PCDHGA6: variants seen among roughly 807,000 people sequenced by gnomAD.
PCDHGA6 encodes protocadherin gamma-A6.
In PCDHGA6, 41 loss-of-function variants were observed where a neutral mutation model predicts 60.6. That is an observed-to-expected ratio of 0.68 (90% CI 0.53 to 0.88). PCDHGA6 has a LOEUF of 0.88. Ranked by LOEUF, PCDHGA6 falls within the 40% of genes least tolerant of loss-of-function variation. The pLI is 0.00. For synonymous variants in PCDHGA6, 594 were observed against 524.4 expected (o/e 1.13, Z -1.81); for missense variants, 1,312 against 1,203.0 (o/e 1.09, Z -1.34).
chr5:141,383,346 G>A, intron 1 of PCDHGA6: 3 of 1,614,018 alleles, frequency 1.9e-6, no homozygotes, highest in Non-Finnish European at 2.5e-6. Context: ...CAGCTCCTGG[G>A]GTTCGGTTTC....
At position 141,491,752 on chromosome 5, in the gene PCDHGA6, G is replaced by C. The variant is rs1464731659; in HGVS notation, c.2425-3055G>C. 6 of 1,586,646 alleles carry C rather than the reference G, an allele frequency of 3.8e-6. No homozygotes were observed. The African/African-American group carries it at 8.1e-5, about 21-fold the overall frequency. On this transcript the variant is annotated intron_variant, in intron 1 of 3. Transcript: ENST00000517434. The surrounding 1 kb of genome is among the most constrained non-coding windows in gnomAD (Gnocchi z 6.9). ...GACCCCTGGGGGCGGCACTGGAGAA[G>C]CCGCCCGTCCTCATAAGGGATTGAA...
chr5:141,380,182 G>A (rs997433342), intron 1 of PCDHGA6, among the ~76,000 whole-genome samples: 1 of 152,142 alleles, frequency 6.6e-6, no homozygotes, highest in Non-Finnish European at 1.5e-5. Context: ...TTACAGGCAT[G>A]AGCCACTGAG....
In PCDHGA6 at chr5:141,432,887, T is replaced by G. The variant is rs146168033; in HGVS notation, c.2424+56380T>G. 2.8e-4 allele frequency: 451 copies of G among 1,614,156 alleles called. No individual in the cohort carries two copies. In the African/African-American group the frequency reaches 4.6e-3, roughly 17 times the overall value. ...CTGCGTCTTCCTGGCCTTCGTCATC[T>G]TGCTGCTGGCGCTCAGGCTGCGGCG... is the stretch of plus-strand genomic sequence containing the variant. On this transcript the variant is annotated intron_variant, in intron 1 of 3. Transcript: ENST00000517434. The surrounding 1 kb of genome is among the most constrained non-coding windows in gnomAD (Gnocchi z 6.0).
intron 1 of PCDHGA6, chr5:141,430,826 C>A: frequency 6.4e-7 from 1 of 1,550,416 alleles, no homozygotes; most frequent in Non-Finnish European, 8.7e-7. Flanking sequence ...CCTGGGGACT[C>A]TGTGGGAGAC....
rs1373988780 is a variant in PCDHGA6, at chr5:141,404,040, G to A, written c.2424+27533G>A. 1.9e-5 allele frequency: 30 copies of A among 1,613,694 alleles called. No homozygotes were observed. The highest frequency in any genetic ancestry group is 2.3e-5 in the Non-Finnish European group (27 of 1,179,836). On this transcript the variant is annotated intron_variant, in intron 1 of 3. Transcript: ENST00000517434. Reference sequence around the variant, plus strand: ...CCAGTGAGAGAAGACGCACCTCAGGGAACAGTAATTCTTCTTTTCAATGCT... The same window carrying A: ...CCAGTGAGAGAAGACGCACCTCAGGAAACAGTAATTCTTCTTTTCAATGCT...
intron 1 of PCDHGA6, chr5:141,441,249 T>TA (rs981387539): frequency 2.0e-5 from 3 of 152,206 alleles, no homozygotes. Context: ...ACAAGATCTT[T>TA]AAATCACAAG....
At chr5:141,506,306 G>A (rs539365378) in intron 3 of PCDHGA6, among the ~76,000 whole-genome samples, 4 of 152,040 alleles carry the variant, frequency 2.6e-5, no homozygotes, top group Non-Finnish European at 5.9e-5. Flanking sequence ...AAAATTAGCT[G>A]GGCATGGTGG....
At position 141,486,266 on chromosome 5, in the gene PCDHGA6, C is replaced by A; in HGVS notation, c.2425-8541C>A. On this transcript the variant is annotated intron_variant, in intron 1 of 3. Coordinates refer to ENST00000517434, the MANE Select transcript of PCDHGA6 (RefSeq NM_018919.3). The surrounding 1 kb of genome is among the most constrained non-coding windows in gnomAD (Gnocchi z 5.0). ...TGGAACCCTCCCCGAGAGTGCAGAA[C>A]CTGGCACTGTGGTGGCACTTATCAG... The A allele has an allele frequency of 1.9e-6, 3 of 1,614,098 alleles. No homozygotes were observed. Among genetic ancestry groups the A allele is most frequent in the Admixed American group, 3.3e-5 (2 of 60,016 alleles).
chr5:141,390,965 A>G (rs2092279401), intron 1 of PCDHGA6: 1 of 152,252 alleles, frequency 6.6e-6, no homozygotes, highest in Admixed American at 6.5e-5. Context: ...TACTTGTAAC[A>G]TAGGAGTTTC....
intron 1 of PCDHGA6, chr5:141,396,416 C>T (rs1336875388): frequency 6.6e-6 from 1 of 152,140 alleles, no homozygotes; most frequent in Non-Finnish European, 1.5e-5. Flanking sequence ...GTCAGGAGTT[C>T]AAGATCAGCC....
intron 1 of PCDHGA6, chr5:141,393,440 C>T (rs777552488): frequency 1.7e-5 from 27 of 1,613,924 alleles, no homozygotes; most frequent in Non-Finnish European, 2.3e-5. Context: ...CTGCTCACCA[C>T]CTGGTCCTCA....
At chr5:141,378,382 G>C (rs1774857490) in intron 1 of PCDHGA6, 1 of 152,274 alleles carries the variant, frequency 6.6e-6, no homozygotes, top group South Asian at 2.1e-4. Context: ...AATTAGCCAG[G>C]TGGGGTGGCA....
At chr5:141,385,066 C>A (rs1780827434) in intron 1 of PCDHGA6, 1 of 1,614,194 alleles carries the variant, frequency 6.2e-7, no homozygotes, top group Non-Finnish European at 8.5e-7. Flanking sequence ...GCACAAGTCA[C>A]GCCTGCTGCA....
intron 1 of PCDHGA6, chr5:141,414,141 A>T (rs1162904324): frequency 1.3e-6 from 2 of 1,597,216 alleles, no homozygotes; most frequent in East Asian, 2.3e-5. Context: ...ATGAAATAGA[A>T]ATACAAGCAG....
intron 1 of PCDHGA6, chr5:141,413,180 C>T: frequency 6.2e-7 from 1 of 1,602,612 alleles, no homozygotes; most frequent in Non-Finnish European, 8.5e-7. Flanking sequence ...ACTACAATGG[C>T]CGCTCAAAGG....
intron 1 of PCDHGA6, among the ~76,000 whole-genome samples, chr5:141,461,001 A>C (rs1309762345): frequency 6.7e-6 from 1 of 150,320 alleles, no homozygotes; most frequent in Admixed American, 6.7e-5. Context: ...ATATATGTGT[A>C]TATATATATA....
At chr5:141,376,831 C>A in intron 1 of PCDHGA6, 1 of 256,752 alleles carries the variant, frequency 3.9e-6, no homozygotes, top group Non-Finnish European at 7.4e-6. Context: ...GGACTACAGG[C>A]GCCCGCCACC....
rs781500930 is a variant in PCDHGA6, at chr5:141,376,588, TC to T, written c.2424+82del. 8 of 1,575,434 alleles carry T rather than the reference TC, an allele frequency of 5.1e-6. No homozygotes were observed. The South Asian group carries it at 8.1e-5, about 16-fold the overall frequency. ...TAATCAGACAGGCTCATCAGCTAGA[TC>T]GGCTGTTATAGAAGCGAACCTCTTT... On this transcript the variant is annotated intron_variant, in intron 1 of 3. Transcript: ENST00000517434.
intron 1 of PCDHGA6, chr5:141,410,177 A>C (rs2095365763): frequency 1.2e-6 from 2 of 1,613,626 alleles, no homozygotes; most frequent in Non-Finnish European, 1.7e-6. Flanking sequence ...TGCCACCGCC[A>C]CGCTTCATCT....
Sources: gnomAD v4.1 joint callset for allele counts (sites outside exome capture counted in the v4.1 genomes callset) on GRCh38, gnomAD v4.1.1 for gene constraint, Gnocchi (gnomAD v3.1) non-coding constraint, MANE v1.5 for transcripts, NCBI Gene and HGNC (gene_info 2026-07-23, HGNC 2026-07-21) for gene names.